Variants in ADGRV1 observed in about 807,000 individuals in gnomAD.
ADGRV1 encodes the protein adhesion G protein-coupled receptor V1, also known as G-protein coupled receptor 98.
ADGRV1 carries 359 observed loss-of-function variants against 596.2 expected under a neutral mutation model. The ratio of observed to expected loss-of-function variants is 0.60; its 90% CI spans 0.55 to 0.66. The LOEUF is 0.66. Ranked by LOEUF, ADGRV1 falls within the 30% of genes least tolerant of loss-of-function variation. ADGRV1 has a pLI of 0.00. For synonymous variants in ADGRV1, 2,681 were observed against 2,679.2 expected, an observed-to-expected ratio of 1.00 and a Z score of -0.02; for missense variants, 7,274 against 7,575.6, an observed-to-expected ratio of 0.96 and a Z score of 1.48.
At chr5:90,642,164 T>C (rs541531152) in intron 11 of ADGRV1, among the ~76,000 whole-genome samples, 33 of 152,318 alleles carry the variant, frequency 2.2e-4, no homozygotes, top group African/African-American at 7.7e-4. Flanking sequence ...GTTATCCAGC[T>C]ATTATGTGCT....
At chr5:90,739,564 C>A (rs1426461885) in intron 50 of ADGRV1, among the ~76,000 whole-genome samples, 2 of 152,162 alleles carry the variant, frequency 1.3e-5, no homozygotes, top group African/African-American at 4.8e-5. Context: ...GACCTGGGAT[C>A]AAATGGAAGT....
At chr5:90,754,404 A>G (rs1755603671) in intron 54 of ADGRV1, among the ~76,000 whole-genome samples, 1 of 152,164 alleles carries the variant, frequency 6.6e-6, no homozygotes, top group African/African-American at 2.4e-5. Flanking sequence ...AGTACCTTTC[A>G]TTTGAATAGT....
At chr5:90,936,930 T>G (rs1775744483) in intron 83 of ADGRV1, among the ~76,000 whole-genome samples, 1 of 152,174 alleles carries the variant, frequency 6.6e-6, no homozygotes, top group African/African-American at 2.4e-5. Context: ...CATAATATAA[T>G]AGGTTGACAG....
chr5:90,998,784 A>G (rs1331486037), intron 85 of ADGRV1, among the ~76,000 whole-genome samples: 1 of 152,180 alleles, frequency 6.6e-6, no homozygotes, highest in East Asian at 1.9e-4. Flanking sequence ...CATTCTTGCC[A>G]ACTCTGGGAA....
chr5:90,988,251 A>C lies in ADGRV1; in HGVS notation c.18152+2729A>C, dbSNP rs567199793. Among the ~76,000 whole-genome samples the C allele has an allele frequency of 2.5e-3, 387 of 152,346 alleles. 2 individuals are homozygous for C. Among genetic ancestry groups the C allele is most frequent in the African/African-American group, 9.0e-3 (374 of 41,582 alleles). ...ATTATTCTAGATGGAATTATAAATC[A>C]TGTACAAGCTATTTCATTATACATA... On this transcript the variant is annotated intron_variant, in intron 85 of 89. Coordinates refer to ENST00000405460, the MANE Select transcript of ADGRV1 (RefSeq NM_032119.4).
Position 90,629,018 on chromosome 5 carries a change from C to T in ADGRV1, c.1509+186C>T, listed in dbSNP as rs1216400344. 3 of 685,216 alleles carry T rather than the reference C, an allele frequency of 4.4e-6. No homozygotes were observed. In the African/African-American group the frequency reaches 5.4e-5, roughly 12 times the overall value. 42.4% of individuals were successfully genotyped at this position (685,216 alleles called of 1,614,324 possible). A position where few individuals can be genotyped will look rare whatever the true frequency, so the allele number is the denominator to read the frequency against. ...AAATATTTTACCCTCTAAAAAATTC[C>T]ACAAACTGTGATTTAGGAATATTTC... On this transcript the variant is annotated intron_variant, in intron 8 of 89. Transcript: ENST00000405460.
intron 85 of ADGRV1, among the ~76,000 whole-genome samples, chr5:91,068,126 G>A (rs770612858): frequency 5.9e-5 from 9 of 152,116 alleles, no homozygotes; most frequent in South Asian, 2.1e-4. Context: ...CCTTGTTTAC[G>A]TGAGAAATAA....
At chr5:90,645,839 C>T in intron 15 of ADGRV1, 129 bp from the exon 16 acceptor site, 1 of 634,666 alleles carries the variant, frequency 1.6e-6, no homozygotes, top group Admixed American at 4.2e-5. Context: ...GGAAGTTCTG[C>T]CTCCGAAAAG....
chr5:91,088,361 C>T (rs1258879734), intron 86 of ADGRV1, among the ~76,000 whole-genome samples: 1 of 151,938 alleles, frequency 6.6e-6, no homozygotes, highest in Non-Finnish European at 1.5e-5. Flanking sequence ...TGCTTTGCTA[C>T]CATGAAAAAA....
At chr5:90,662,602 T>C (rs954940589) in intron 21 of ADGRV1, among the ~76,000 whole-genome samples, 1 of 152,036 alleles carries the variant, frequency 6.6e-6, no homozygotes, top group Non-Finnish European at 1.5e-5. Context: ...TTTTTTTCTT[T>C]TTTTCTTTTT....
At chr5:91,096,708 G>A (rs931828664) in intron 86 of ADGRV1, among the ~76,000 whole-genome samples, 1 of 151,872 alleles carries the variant, frequency 6.6e-6, no homozygotes, top group Non-Finnish European at 1.5e-5. Flanking sequence ...GTTAATTGTA[G>A]TAAAATATAC....
At chr5:91,042,350 G>A (rs1785432908) in intron 85 of ADGRV1, among the ~76,000 whole-genome samples, 1 of 152,158 alleles carries the variant, frequency 6.6e-6, no homozygotes, top group South Asian at 2.1e-4. Context: ...CAGCCACCAA[G>A]TAAACTGTTT....
At chr5:90,928,088 G>T (rs1433496738) in intron 83 of ADGRV1, among the ~76,000 whole-genome samples, 1 of 151,998 alleles carries the variant, frequency 6.6e-6, no homozygotes, top group Non-Finnish European at 1.5e-5. Context: ...TTCAACTTTG[G>T]TGAATCTGAT....
chr5:90,749,991 G>C (rs985694319), intron 52 of ADGRV1, among the ~76,000 whole-genome samples: 1 of 152,302 alleles, frequency 6.6e-6, no homozygotes, highest in South Asian at 2.1e-4. Flanking sequence ...CATTTCCGAG[G>C]ATATGAATTT....
At position 90,711,339 on chromosome 5, in the gene ADGRV1, A is replaced by G. The variant is rs781237124; in HGVS notation, c.9042+17A>G. 29 of 1,575,046 alleles carry G rather than the reference A, an allele frequency of 1.8e-5. No individual in the cohort carries two copies. The African/African-American group carries it at 3.1e-4, about 17-fold the overall frequency. ...ACCCCAATGGTGGGTCTCAAAATCT[A>G]TCACAGATGACTTTTACAAATTATT... is the stretch of plus-strand genomic sequence containing the variant. On this transcript the variant is annotated intron_variant, in intron 41 of 89. Transcript: ENST00000405460.
intron 20 of ADGRV1, among the ~76,000 whole-genome samples, chr5:90,657,651 T>G (rs879862552): frequency 6.6e-6 from 1 of 152,178 alleles, no homozygotes; most frequent in Non-Finnish European, 1.5e-5. Context: ...TAGAAGTTAC[T>G]TTTAAGTATA....
intron 85 of ADGRV1, among the ~76,000 whole-genome samples, chr5:91,027,493 G>C (rs1230749267): frequency 2.0e-5 from 3 of 152,132 alleles, no homozygotes; most frequent in Non-Finnish European, 4.4e-5. Flanking sequence ...GCATAAGAAG[G>C]AAAGTCAAAA....
intron 79 of ADGRV1, among the ~76,000 whole-genome samples, chr5:90,849,720 G>A (rs1352780494): frequency 6.6e-6 from 1 of 152,080 alleles, no homozygotes; most frequent in Non-Finnish European, 1.5e-5. Flanking sequence ...CAAGACATAC[G>A]AAGTTCAAAG....
chr5:90,948,027 A>G (rs983428753), intron 83 of ADGRV1, among the ~76,000 whole-genome samples: 1 of 152,058 alleles, frequency 6.6e-6, no homozygotes, highest in African/African-American at 2.4e-5. Flanking sequence ...TTTCCTTACA[A>G]AGGTGCTTGA....
Sources: gnomAD v4.1 joint callset for allele counts (sites outside exome capture counted in the v4.1 genomes callset) on GRCh38, gnomAD v4.1.1 for gene constraint, MANE v1.5 for transcripts, NCBI Gene and HGNC (gene_info 2026-07-23, HGNC 2026-07-21) for gene names.